Variants in LRRC4C observed in about 807,000 individuals in gnomAD.
The protein encoded by LRRC4C is leucine rich repeat containing 4C, also known as leucine-rich repeat-containing protein 4C.
A neutral mutation model predicts 33.6 loss-of-function variants in LRRC4C; 5 were observed. The ratio of observed to expected loss-of-function variants is 0.15; its 90% CI spans 0.08 to 0.31. The LOEUF (loss-of-function observed/expected upper bound fraction) is 0.31, where lower values mean the gene tolerates loss of function less well. Among genes scored for constraint, LRRC4C ranks in the 10% least tolerant of loss-of-function variants. The pLI is 1.00. For synonymous variants in LRRC4C, 329 were observed against 302.0 expected, an observed-to-expected ratio of 1.09 and a Z score of -0.93; for missense variants, 560 against 796.7, an observed-to-expected ratio of 0.70 and a Z score of 3.58.
chr11:41,307,268 A>G (rs1455878761), intron 1 of LRRC4C, among the ~76,000 whole-genome samples: 1 of 152,004 alleles, frequency 6.6e-6, no homozygotes, highest in Non-Finnish European at 1.5e-5. Context: ...TTAAGTTTCT[A>G]TTTCAAAAAA....
At chr11:40,660,870 TGA>T (rs1943397397) in intron 2 of LRRC4C, among the ~76,000 whole-genome samples, 8 of 152,192 alleles carry the variant, frequency 5.3e-5, no homozygotes, top group Admixed American at 5.2e-4. Context: ...ATATTAAAGA[TGA>T]AATCTTTGCA....
At chr11:40,174,370 T>C (rs1228160498) in intron 5 of LRRC4C, among the ~76,000 whole-genome samples, 1 of 152,174 alleles carries the variant, frequency 6.6e-6, no homozygotes, top group African/African-American at 2.4e-5. Flanking sequence ...GGAGTAACTT[T>C]AACAAGTAGA....
chr11:40,719,896 A>G (rs942968150), intron 2 of LRRC4C, among the ~76,000 whole-genome samples: 7 of 152,012 alleles, frequency 4.6e-5, no homozygotes, highest in Non-Finnish European at 8.8e-5. Context: ...GTCTGAATCA[A>G]AATTTCTTTC....
chr11:41,110,926 G>C (rs780612073), intron 1 of LRRC4C, among the ~76,000 whole-genome samples: 4 of 151,990 alleles, frequency 2.6e-5, no homozygotes, highest in Admixed American at 6.6e-5. Context: ...ATATATTAAT[G>C]AAGTTCACCC....
At chr11:40,960,124 G>A (rs1850874585) in intron 1 of LRRC4C, among the ~76,000 whole-genome samples, 1 of 151,352 alleles carries the variant, frequency 6.6e-6, no homozygotes, top group African/African-American at 2.4e-5. Flanking sequence ...AAGAAAAAAG[G>A]AAGGAAGGAG....
intron 3 of LRRC4C, among the ~76,000 whole-genome samples, chr11:40,577,962 G>A (rs560147179): frequency 6.7e-6 from 1 of 150,034 alleles, no homozygotes; most frequent in East Asian, 2.0e-4. Context: ...AGCCTCCCGA[G>A]TAGCTGGGAC....
At chr11:41,244,862 TACTC>T (rs1373978729) in intron 1 of LRRC4C, among the ~76,000 whole-genome samples, 1 of 152,062 alleles carries the variant, frequency 6.6e-6, no homozygotes, top group Non-Finnish European at 1.5e-5. Context: ...AGTAGACAAA[TACTC>T]ACGACTGGCT....
At chr11:40,423,676 G>C (rs1950611070) in intron 3 of LRRC4C, among the ~76,000 whole-genome samples, 1 of 152,146 alleles carries the variant, frequency 6.6e-6, no homozygotes, top group Non-Finnish European at 1.5e-5. Context: ...TCTTCACACA[G>C]ATCATGTCCT....
chr11:40,500,544 T>C (rs561298510), intron 3 of LRRC4C, among the ~76,000 whole-genome samples: 94 of 151,836 alleles, frequency 6.2e-4, no homozygotes, highest in African/African-American at 2.2e-3. Flanking sequence ...AAAAGGCACG[T>C]TTAACATGGT....
At chr11:40,360,191 T>C (rs1317984376) in intron 3 of LRRC4C, among the ~76,000 whole-genome samples, 1 of 152,188 alleles carries the variant, frequency 6.6e-6, no homozygotes, top group African/African-American at 2.4e-5. Context: ...CTATGATTAT[T>C]CTGACTGACC....
intron 1 of LRRC4C, among the ~76,000 whole-genome samples, chr11:41,104,617 T>C (rs1355790365): frequency 1.3e-5 from 2 of 151,932 alleles, no homozygotes; most frequent in African/African-American, 2.4e-5. Flanking sequence ...CCTAGGTGTT[T>C]ACTTGAAAGA....
intron 3 of LRRC4C, among the ~76,000 whole-genome samples, chr11:40,331,194 T>C (rs190225324): frequency 6.6e-6 from 1 of 152,188 alleles, no homozygotes; most frequent in Non-Finnish European, 1.5e-5. Flanking sequence ...TGTTAATTAG[T>C]ACAGCCATTA....
chr11:40,478,402 A>G (rs1219627293), intron 3 of LRRC4C, among the ~76,000 whole-genome samples: 1 of 152,178 alleles, frequency 6.6e-6, no homozygotes, highest in Non-Finnish European at 1.5e-5. Flanking sequence ...GTGGTTTAGG[A>G]AGCTCCAGTC....
At chr11:40,793,884 T>G (rs1950721177) in intron 2 of LRRC4C, among the ~76,000 whole-genome samples, 2 of 152,318 alleles carry the variant, frequency 1.3e-5, no homozygotes, top group South Asian at 4.1e-4. Flanking sequence ...GTATCTGGAA[T>G]GTACTTTAAA....
At chr11:40,263,638 T>C (rs985893259) in intron 4 of LRRC4C, among the ~76,000 whole-genome samples, 1 of 152,146 alleles carries the variant, frequency 6.6e-6, no homozygotes, top group South Asian at 2.1e-4. Context: ...AACAGGCGCA[T>C]GCCACAGTGC....
At chr11:41,221,896 A>G (rs934824674) in intron 1 of LRRC4C, among the ~76,000 whole-genome samples, 1 of 152,172 alleles carries the variant, frequency 6.6e-6, no homozygotes, top group Non-Finnish European at 1.5e-5. Context: ...CTGAATTTGT[A>G]CTTATTTCTT....
chr11:41,039,377 G>A (rs1411409200), intron 1 of LRRC4C, among the ~76,000 whole-genome samples: 1 of 152,016 alleles, frequency 6.6e-6, no homozygotes, highest in Non-Finnish European at 1.5e-5. Flanking sequence ...TTAAGTTCAG[G>A]GATATCAAAT....
At chr11:40,864,111 C>T (rs1954236999) in intron 2 of LRRC4C, among the ~76,000 whole-genome samples, 2 of 152,046 alleles carry the variant, frequency 1.3e-5, no homozygotes, top group South Asian at 2.1e-4. Flanking sequence ...CTCTGTCACC[C>T]AGGCTAGAGT....
At chr11:40,989,139 C>G (rs769427482) in intron 1 of LRRC4C, among the ~76,000 whole-genome samples, 7 of 152,126 alleles carry the variant, frequency 4.6e-5, no homozygotes, top group Non-Finnish European at 8.8e-5. Context: ...TGTTTAAAGC[C>G]AGTTTTACCT....
Sources: gnomAD v4.1 joint callset for allele counts (sites outside exome capture counted in the v4.1 genomes callset) on GRCh38, gnomAD v4.1.1 for gene constraint, MANE v1.5 for transcripts, NCBI Gene and HGNC (gene_info 2026-07-23, HGNC 2026-07-21) for gene names.